The following TFAP2B variants were observed in gnomAD, a reference collection of about 807,000 sequenced individuals.
TFAP2B encodes transcription factor AP-2-beta.
TFAP2B carries 9 observed loss-of-function variants against 44.3 expected under a neutral mutation model. That is an observed-to-expected ratio of 0.20 (90% CI 0.12 to 0.35). The LOEUF is 0.35. Among genes scored for constraint, TFAP2B ranks in the 10% least tolerant of loss-of-function variants. The pLI, the probability that TFAP2B is intolerant of heterozygous loss-of-function variation, is 1.00. For missense variants in TFAP2B, 509 were observed against 600.0 expected (o/e 0.85, Z 1.59); for synonymous variants, 270 against 263.8 (o/e 1.02, Z -0.23).
intron 1 of TFAP2B, among the ~76,000 whole-genome samples, chr6:50,821,061 G>A (rs1463901269): frequency 6.6e-6 from 1 of 152,190 alleles, no homozygotes; most frequent in Non-Finnish European, 1.5e-5. Flanking sequence ...TTTAAGTCTG[G>A]ACTAAGGTTG....
At chr6:50,829,407 C>T (rs963789277) in intron 3 of TFAP2B, among the ~76,000 whole-genome samples, 1 of 152,136 alleles carries the variant, frequency 6.6e-6, no homozygotes, top group African/African-American at 2.4e-5. Flanking sequence ...TGTATTGCAG[C>T]TGCTTAATTT....
intron 4 of TFAP2B, among the ~76,000 whole-genome samples, chr6:50,837,305 A>AT (rs1762642329): frequency 6.6e-6 from 1 of 152,172 alleles, no homozygotes; most frequent in African/African-American, 2.4e-5. Flanking sequence ...TCAGTTTTCA[A>AT]GTGAGTGCTT....
chr6:50,821,517 G>C (rs1409215976), intron 1 of TFAP2B, among the ~76,000 whole-genome samples: 1 of 152,160 alleles, frequency 6.6e-6, no homozygotes, highest in East Asian at 1.9e-4. Context: ...TCCCAGCACT[G>C]TTCTCCCTCA....
intron 2 of TFAP2B, among the ~76,000 whole-genome samples, chr6:50,826,013 T>C (rs1392733208): frequency 3.3e-5 from 5 of 152,278 alleles, no homozygotes; most frequent in Non-Finnish European, 5.9e-5. Flanking sequence ...AGGGGTTATG[T>C]TTCCAGGACC....
rs1168579926 is a variant in TFAP2B, at chr6:50,844,872, T to C, written c.*1480T>C. 6.6e-6 allele frequency: 1 copy of C among 152,238 alleles called. No individual in the cohort carries two copies. The highest frequency in any genetic ancestry group is 1.5e-5 in the Non-Finnish European group (1 of 68,044). The allele number at this position is 152,238 out of a possible 1,614,324, so 9.4% of individuals were successfully genotyped here. A position where few individuals can be genotyped will look rare whatever the true frequency, so the allele number is the denominator to read the frequency against. On this transcript the variant is annotated 3_prime_UTR_variant, in exon 7 of 7. Coordinates refer to ENST00000393655, the MANE Select transcript of TFAP2B (RefSeq NM_003221.4). ...AAGATGCTTTATGAATGAGGCATTT[T>C]TCCCTCCCAGACGTGCACTTGTTTT...
At chr6:50,829,668 C>T (rs1279258509) in intron 3 of TFAP2B, among the ~76,000 whole-genome samples, 1 of 152,210 alleles carries the variant, frequency 6.6e-6, no homozygotes, top group Non-Finnish European at 1.5e-5. Context: ...TTATGATTCA[C>T]TTGAGCCACT....
In TFAP2B at chr6:50,839,036, G is replaced by A. The variant is rs186246710; in HGVS notation, c.940+943G>A. ...GGCCTTATACTTGGCCATTTTTAAG[G>A]CAAAGTTGCTTGGCCTGAACACCCT... is the stretch of plus-strand genomic sequence containing the variant. On this transcript the variant is annotated intron_variant, in intron 5 of 6. Transcript: ENST00000393655. 8.5e-5 allele frequency among the ~76,000 whole-genome samples: 13 copies of A among 152,250 alleles called. No homozygotes were observed. In the East Asian group the frequency reaches 2.3e-3, roughly 27 times the overall value.
At chr6:50,831,103 C>A (rs539647257) in intron 3 of TFAP2B, among the ~76,000 whole-genome samples, 24 of 152,260 alleles carry the variant, frequency 1.6e-4, no homozygotes, top group Non-Finnish European at 3.1e-4. Context: ...TATGGTAAGG[C>A]CCCTTCTAAA....
intron 5 of TFAP2B, among the ~76,000 whole-genome samples, chr6:50,839,509 GT>G (rs1388264247): frequency 6.6e-6 from 1 of 152,176 alleles, no homozygotes; most frequent in Non-Finnish European, 1.5e-5. Flanking sequence ...AGATACTCCA[GT>G]TTTCTGTAGC....
chr6:50,824,771 T>C (rs1770457917), intron 2 of TFAP2B, among the ~76,000 whole-genome samples: 1 of 152,172 alleles, frequency 6.6e-6, no homozygotes, highest in Non-Finnish European at 1.5e-5. Flanking sequence ...CCTGATTTGG[T>C]TGAGAATACT....
At chr6:50,825,884 C>A (rs1223862094) in intron 2 of TFAP2B, among the ~76,000 whole-genome samples, 1 of 152,152 alleles carries the variant, frequency 6.6e-6, no homozygotes. Flanking sequence ...AAGGGACACA[C>A]CCTGCTCCTG....
chr6:50,835,611 G>T (rs138569612), intron 3 of TFAP2B, among the ~76,000 whole-genome samples: 11 of 152,116 alleles, frequency 7.2e-5, no homozygotes, highest in South Asian at 2.1e-4. Context: ...TTATATCACC[G>T]CATGGTGATA....
At chr6:50,820,984 A>C (rs1171603901) in intron 1 of TFAP2B, among the ~76,000 whole-genome samples, 1 of 152,160 alleles carries the variant, frequency 6.6e-6, no homozygotes, top group African/African-American at 2.4e-5. Flanking sequence ...GGAATATTAC[A>C]GGTGGTCCTA....
At chr6:50,837,824 C>T in intron 4 of TFAP2B, 151 bp from the exon 5 acceptor site, 1 of 734,144 alleles carries the variant, frequency 1.4e-6, no homozygotes, top group South Asian at 1.5e-5. Context: ...CCTCAGCAAA[C>T]TATCAGCAAA....
chr6:50,843,145 G>A lies in TFAP2B; in HGVS notation c.1136G>A (p.Gly379Glu). 1 of 1,614,216 alleles carries A rather than the reference G, an allele frequency of 6.2e-7. No individual in the cohort carries two copies. The highest frequency in any genetic ancestry group is 8.5e-7 in the Non-Finnish European group (1 of 1,180,040). ...DLLAQDRTPI[G>E]NSRPSPILEP... is the part of the protein sequence containing the mutation. ...CTGGCGCAGGACCGGACACCGATAGGGAACAGCCGACCCAGCCCCATCCTG... is the reference window on the plus strand; with the variant it reads ...CTGGCGCAGGACCGGACACCGATAGAGAACAGCCGACCCAGCCCCATCCTG... The change falls in exon 7 of 7, where the codon GGG becomes GAG. Residue 379 changes from glycine (G) to glutamate (E), a missense_variant. This residue lies in a region of TFAP2B where 168 missense variants were observed against 183.2 expected (regional missense o/e 0.92). Coordinates refer to ENST00000393655, the MANE Select transcript of TFAP2B (RefSeq NM_003221.4).
rs1285267461 is a variant in TFAP2B, at chr6:50,844,066, A to AGGGCG, written c.*682_*686dup. 1 of 152,178 alleles carries AGGGCG rather than the reference A, an allele frequency of 6.6e-6. No homozygotes were observed. The highest frequency in any genetic ancestry group is 2.4e-5 in the African/African-American group (1 of 41,410). The allele number at this position is 152,178 out of a possible 1,614,324, so 9.4% of individuals were successfully genotyped here. ...GCCGCTTGCATAATTAGGGAGGGCG[A>AGGGCG]GGGCGGGGCGGGAGGCCTGTGGAGA... On this transcript the variant is annotated 3_prime_UTR_variant, in exon 7 of 7. Transcript: ENST00000393655.
chr6:50,830,949 TA>T lies in TFAP2B; in HGVS notation c.601+2271del, dbSNP rs1770653995. Reference sequence around the variant, plus strand: ...CTTAATATATTTTCTAATGGGCTTTTAGGCAGATAAAAAAAAATTCTACCTC... The same window carrying T: ...CTTAATATATTTTCTAATGGGCTTTTGGCAGATAAAAAAAAATTCTACCTC... On this transcript the variant is annotated intron_variant, in intron 3 of 6. Transcript: ENST00000393655. Among the ~76,000 whole-genome samples, 9 of 152,304 alleles carry T rather than the reference TA, an allele frequency of 5.9e-5. No individual in the cohort carries two copies. The South Asian group carries it at 1.9e-3, about 32-fold the overall frequency.
At chr6:50,832,668 C>T (rs994591451) in intron 3 of TFAP2B, among the ~76,000 whole-genome samples, 3 of 152,104 alleles carry the variant, frequency 2.0e-5, no homozygotes, top group Admixed American at 1.3e-4. Context: ...AGGTACTTAC[C>T]TTATGAATCT....
chr6:50,818,641 G>A (rs1581802274), upstream of TFAP2B: 1 of 502,258 alleles, frequency 2.0e-6, no homozygotes, highest in East Asian at 3.5e-5. Flanking sequence ...ATATGTGGGT[G>A]TCTGGGTGTA....
Sources: gnomAD v4.1 joint callset for allele counts (sites outside exome capture counted in the v4.1 genomes callset) on GRCh38, gnomAD v4.1.1 for gene constraint, gnomAD v4.1.1 regional missense constraint, MANE v1.5 for transcripts, NCBI Gene and HGNC (gene_info 2026-07-23, HGNC 2026-07-21) for gene names.